The following SLC36A1 variants were observed in gnomAD, a reference collection of about 807,000 sequenced individuals.
SLC36A1 encodes proton-coupled amino acid transporter 1.
A neutral mutation model predicts 47.5 loss-of-function variants in SLC36A1; 30 were observed. That is an observed-to-expected ratio of 0.63 (90% CI 0.47 to 0.86). The LOEUF (loss-of-function observed/expected upper bound fraction) is 0.86, where lower values mean the gene tolerates loss of function less well. Among genes scored for constraint, SLC36A1 ranks in the 40% least tolerant of loss-of-function variants. The pLI, the probability that SLC36A1 is intolerant of heterozygous loss-of-function variation, is 0.00. For synonymous variants in SLC36A1, 255 were observed against 249.7 expected (o/e 1.02, Z -0.20); for missense variants, 517 against 606.0 (o/e 0.85, Z 1.54).
At chr5:151,527,983 C>A in the SLC36A1 span, 1 of 1,613,482 alleles carries the variant, frequency 6.2e-7, no homozygotes, top group Non-Finnish European at 8.5e-7. Context: ...TGCGCCCCTC[C>A]CACATGACTC....
At chr5:151,397,764 C>CAAA in the SLC36A1 span, among the ~76,000 whole-genome samples, 217 of 43,996 alleles carry the variant, frequency 4.9e-3, 5 homozygotes, top group African/African-American at 0.014. Flanking sequence ...AACTCCAACT[C>CAAA]AAAAAAAAAA....
intron 7 of SLC36A1, among the ~76,000 whole-genome samples, chr5:151,471,697 A>G (rs357630): frequency 0.38 from 57,088 of 152,044 alleles, 10,890 homozygotes; most frequent in South Asian, 0.46. Flanking sequence ...CCAGGGAAAC[A>G]CATTTATTTA....
At chr5:151,412,781 G>C in the SLC36A1 span, 5 of 144,174 alleles carry the variant, frequency 3.5e-5, 1 homozygote, top group African/African-American at 1.3e-4. Flanking sequence ...GTGAACCTTA[G>C]CTGCGACCTG....
the SLC36A1 span, among the ~76,000 whole-genome samples, chr5:151,409,067 T>C: frequency 6.6e-6 from 1 of 151,182 alleles, no homozygotes; most frequent in South Asian, 2.1e-4. Flanking sequence ...GGTGTGATCA[T>C]GGCTCATTGC....
the SLC36A1 span, among the ~76,000 whole-genome samples, chr5:151,535,902 G>A: frequency 8.5e-5 from 13 of 152,200 alleles, no homozygotes; most frequent in Admixed American, 8.5e-4. Flanking sequence ...CTTTGCTGAT[G>A]ATTGGTGTGG....
chr5:151,469,447 C>T (rs540961390), intron 7 of SLC36A1, among the ~76,000 whole-genome samples: 3 of 152,334 alleles, frequency 2.0e-5, no homozygotes, highest in African/African-American at 4.8e-5. Flanking sequence ...CATTGTATCA[C>T]AGCAAGGAGA....
the SLC36A1 span, chr5:151,542,894 C>A: frequency 6.2e-7 from 1 of 1,614,174 alleles, no homozygotes; most frequent in Non-Finnish European, 8.5e-7. Flanking sequence ...ACCCCTGTGT[C>A]TGGGTCTAGG....
intron 8 of SLC36A1, among the ~76,000 whole-genome samples, chr5:151,474,381 A>G (rs1757767324): frequency 6.6e-6 from 1 of 152,096 alleles, no homozygotes; most frequent in African/African-American, 2.4e-5. Flanking sequence ...GTCTAGAGTC[A>G]GACTGACATG....
At chr5:151,422,805 A>G in the SLC36A1 span, among the ~76,000 whole-genome samples, 68,360 of 151,858 alleles carry the variant, frequency 0.45, 15,887 homozygotes, top group African/African-American at 0.56. Flanking sequence ...GCTGGGTAGT[A>G]GTGGCACGTG....
the SLC36A1 span, among the ~76,000 whole-genome samples, chr5:151,355,761 C>A: frequency 7.6e-4 from 115 of 152,200 alleles, no homozygotes; most frequent in Middle Eastern, 3.4e-3. Flanking sequence ...TTTCAAAAAA[C>A]AAATGGAATC....
At chr5:151,525,256 C>T in the SLC36A1 span, among the ~76,000 whole-genome samples, 1 of 152,222 alleles carries the variant, frequency 6.6e-6, no homozygotes, top group Non-Finnish European at 1.5e-5. Flanking sequence ...ATCTTGGCCA[C>T]TGTTCTTTAG....
chr5:151,389,868 T>TA, the SLC36A1 span, among the ~76,000 whole-genome samples: 1 of 152,066 alleles, frequency 6.6e-6, no homozygotes, highest in Non-Finnish European at 1.5e-5. Flanking sequence ...GCAATAAACA[T>TA]ACATGTGCAT....
chr5:151,554,359 C>A, the SLC36A1 span: 2 of 1,607,566 alleles, frequency 1.2e-6, no homozygotes, highest in South Asian at 1.1e-5. Context: ...TCTGTCTGCT[C>A]ACCGTTAGGA....
the SLC36A1 span, among the ~76,000 whole-genome samples, chr5:151,409,145 G>C: frequency 6.6e-6 from 1 of 151,184 alleles, no homozygotes; most frequent in African/African-American, 2.4e-5. Flanking sequence ...GACTACAGGT[G>C]CATGCCACTA....
At chr5:151,373,869 G>A in the SLC36A1 span, among the ~76,000 whole-genome samples, 3 of 152,074 alleles carry the variant, frequency 2.0e-5, no homozygotes, top group African/African-American at 7.2e-5. Context: ...CAAAGCACTG[G>A]GATTACAGGT....
In SLC36A1 at chr5:151,463,597, C is replaced by T. The variant is rs1755895202; in HGVS notation, c.188C>T (p.Thr63Ile). Reference protein sequence around the residue: ...LIHLLKGNIGTGLLGLPLAVK... With the variant: ...LIHLLKGNIGIGLLGLPLAVK... ...CACCTGTTAAAAGGCAACATTGGCA[C>T]AGGACTCCTGGGACTCCCTCTGGCG... Residue 63 changes from threonine to isoleucine, a missense_variant, in exon 3 of 11, where the codon ACA (threonine) becomes ATA (isoleucine). Physicochemically the swap from Thr to Ile is moderately conservative, Grantham distance 89. Transcript: ENST00000243389. The T allele has an allele frequency of 6.2e-7, 1 of 1,614,066 alleles. No homozygotes were observed. Among genetic ancestry groups the T allele is most frequent in the African/African-American group, 1.3e-5 (1 of 74,926 alleles).
chr5:151,522,732 A>G, the SLC36A1 span, among the ~76,000 whole-genome samples: 2 of 152,222 alleles, frequency 1.3e-5, no homozygotes, highest in Non-Finnish European at 2.9e-5. Flanking sequence ...TGAGAAGAAG[A>G]GGCGACAGAC....
At chr5:151,364,109 A>G in the SLC36A1 span, among the ~76,000 whole-genome samples, 6 of 152,210 alleles carry the variant, frequency 3.9e-5, no homozygotes, top group African/African-American at 7.2e-5. Context: ...TGTGTGTGCT[A>G]GTTTTGATAA....
At chr5:151,393,186 T>C in the SLC36A1 span, among the ~76,000 whole-genome samples, 1 of 151,884 alleles carries the variant, frequency 6.6e-6, no homozygotes, top group African/African-American at 2.4e-5. Flanking sequence ...TGATCTTTGT[T>C]GGTTTAAAGT....
Sources: allele counts gnomAD v4.1 joint callset (sites outside exome capture counted in the v4.1 genomes callset), GRCh38; gene constraint gnomAD v4.1.1; transcripts MANE v1.5; gene names NCBI Gene and HGNC (gene_info 2026-07-23, HGNC 2026-07-21).